MCF2L2: variants seen among roughly 807,000 people sequenced by gnomAD.
MCF2L2 encodes probable guanine nucleotide exchange factor MCF2L2.
In MCF2L2, 102 loss-of-function variants were observed where a neutral mutation model predicts 150.2. That is an observed-to-expected ratio of 0.68 (90% CI 0.58 to 0.80). The LOEUF is 0.80. MCF2L2 is among the 30% of genes least tolerant of loss of function. MCF2L2 has a pLI of 0.00. For missense variants in MCF2L2, 1,256 were observed against 1,372.8 expected (o/e 0.91, Z 1.34); for synonymous variants, 465 against 491.3 (o/e 0.95, Z 0.71).
chr3:183,205,980 A>C, intron 24 of MCF2L2, 26 bp from the exon 25 acceptor site: 1 of 1,598,312 alleles, frequency 6.3e-7, no homozygotes, highest in Admixed American at 1.7e-5. Context: ...AGAAAACACT[A>C]TAAGACTACC....
intron 20 of MCF2L2, among the ~76,000 whole-genome samples, chr3:183,221,140 C>T (rs887782136): frequency 6.6e-5 from 10 of 152,150 alleles, no homozygotes; most frequent in African/African-American, 9.7e-5. Flanking sequence ...TTTGCAGGCA[C>T]GTAATGGCCT....
At chr3:183,186,397 A>G (rs949928116) in intron 27 of MCF2L2, among the ~76,000 whole-genome samples, 1 of 152,130 alleles carries the variant, frequency 6.6e-6, no homozygotes, top group Non-Finnish European at 1.5e-5. Context: ...AGGATTACAG[A>G]CACCCACCAC....
At position 183,331,831 on chromosome 3, in the gene MCF2L2, T is replaced by C. The variant is rs574532252; in HGVS notation, c.486+6969A>G. 2.0e-5 allele frequency among the ~76,000 whole-genome samples: 3 copies of C among 152,290 alleles called. 1 individual carries two copies. Among genetic ancestry groups the C allele is most frequent in the Admixed American group, 2.0e-4 (3 of 15,296 alleles). The stretch of plus-strand genomic sequence containing the variant: ...CTGATGGAGCCACGGCACTCCAGCC[T>C]GGGTGACAGAGCAAGACACAGTTTC... On this transcript the variant is annotated intron_variant, in intron 5 of 29. Coordinates refer to ENST00000328913, the MANE Select transcript of MCF2L2 (RefSeq NM_015078.4).
chr3:183,292,756 T>C (rs1045717286), intron 13 of MCF2L2, among the ~76,000 whole-genome samples: 5 of 152,206 alleles, frequency 3.3e-5, no homozygotes, highest in African/African-American at 9.7e-5. Context: ...TAGTATGTAG[T>C]ATGATTTCCT....
At chr3:183,376,741 A>G (rs1713209812) in intron 3 of MCF2L2, 1 of 152,250 alleles carries the variant, frequency 6.6e-6, no homozygotes, top group African/African-American at 2.4e-5. Context: ...AAAGAAATGA[A>G]GACCCAAAGA....
At chr3:183,264,151 G>C (rs915304322) in intron 15 of MCF2L2, among the ~76,000 whole-genome samples, 2 of 152,112 alleles carry the variant, frequency 1.3e-5, no homozygotes, top group African/African-American at 4.8e-5. Context: ...ACCCCCCTAA[G>C]ACTCCTCTAC....
At chr3:183,313,837 A>AT (rs1729485564) in intron 7 of MCF2L2, among the ~76,000 whole-genome samples, 1 of 152,126 alleles carries the variant, frequency 6.6e-6, no homozygotes, top group Non-Finnish European at 1.5e-5. Context: ...AAACTGAGAG[A>AT]TAGCTCATTG....
At chr3:183,311,483 A>T (rs1236474136) in intron 8 of MCF2L2, among the ~76,000 whole-genome samples, 165 bp downstream of exon 8, 1 of 152,214 alleles carries the variant, frequency 6.6e-6, no homozygotes, top group Non-Finnish European at 1.5e-5. Context: ...CTGTATGTGG[A>T]TGCCAGACGG....
At chr3:183,280,855 A>C (rs1727430118) in intron 14 of MCF2L2, among the ~76,000 whole-genome samples, 1 of 151,276 alleles carries the variant, frequency 6.6e-6, no homozygotes, top group South Asian at 2.1e-4. Context: ...CAAAAAAAAA[A>C]AAAAAAACAA....
At chr3:183,414,959 T>A (rs1293072986) in intron 1 of MCF2L2, among the ~76,000 whole-genome samples, 2 of 152,206 alleles carry the variant, frequency 1.3e-5, no homozygotes, top group Non-Finnish European at 2.9e-5. Flanking sequence ...TGTTTTAGAG[T>A]CTAGAATATG....
intron 3 of MCF2L2, among the ~76,000 whole-genome samples, chr3:183,369,100 A>G (rs1712707335): frequency 6.6e-6 from 1 of 152,230 alleles, no homozygotes; most frequent in Non-Finnish European, 1.5e-5. Context: ...AGCTGAAAAT[A>G]AAATTCTAAG....
At chr3:183,265,518 T>G (rs1314741529) in intron 15 of MCF2L2, 2 of 152,290 alleles carry the variant, frequency 1.3e-5, no homozygotes, top group Non-Finnish European at 2.9e-5. Flanking sequence ...TGAGCGCCAG[T>G]TGTATGTGCG....
chr3:183,416,950 A>C (rs897940159), intron 1 of MCF2L2, among the ~76,000 whole-genome samples: 2 of 151,476 alleles, frequency 1.3e-5, no homozygotes, highest in Non-Finnish European at 2.9e-5. Context: ...TCTACTAAAA[A>C]TTTTTTTAAA....
Position 183,216,002 on chromosome 3 carries a change from C to A in MCF2L2, c.2463G>T (p.Leu821Phe), listed in dbSNP as rs766816419. 1 of 1,613,990 alleles carries A rather than the reference C, an allele frequency of 6.2e-7. No individual in the cohort carries two copies. Among genetic ancestry groups the A allele is most frequent in the Non-Finnish European group, 8.5e-7 (1 of 1,179,918 alleles). ...VIEDLIKSCE[L>F]AVDLAAVTEC... ...CAGTCACTGCTGCTAGGTCCACAGC[C>A]AACTCACAGGACTTGATCAAATCCT... Residue 821 changes from leucine to phenylalanine, a missense_variant, in exon 22 of 30, where the codon TTG becomes TTT. Coordinates refer to ENST00000328913, the MANE Select transcript of MCF2L2 (RefSeq NM_015078.4).
At chr3:183,228,026 T>TACACACACACACACACACAC (rs144915150) in intron 18 of MCF2L2, 8,679 of 139,680 alleles carry the variant, frequency 0.062, 284 homozygotes, top group Non-Finnish European at 0.074. Context: ...TATATATACA[T>TACACACACACACACACACAC]ATACACACAC....
intron 6 of MCF2L2, among the ~76,000 whole-genome samples, chr3:183,321,437 C>CAAA (rs754945400): frequency 0.027 from 2,337 of 87,116 alleles, 88 homozygotes; most frequent in African/African-American, 0.083. Flanking sequence ...GACTCTGTCT[C>CAAA]AAAAAAAAAA....
intron 15 of MCF2L2, chr3:183,231,255 C>T: frequency 1.6e-6 from 1 of 621,638 alleles, no homozygotes; most frequent in East Asian, 3.4e-5. Context: ...ACTCAAAATC[C>T]TTTAGGCAGC....
intron 11 of MCF2L2, chr3:183,298,103 G>A (rs1364367806): frequency 1.3e-5 from 2 of 152,166 alleles, no homozygotes; most frequent in African/African-American, 2.4e-5. Flanking sequence ...GCAAAGCTTT[G>A]TAACTCAGCA....
intron 7 of MCF2L2, 58 bp downstream of exon 7, chr3:183,318,010 G>A: frequency 6.3e-7 from 1 of 1,587,118 alleles, no homozygotes; most frequent in South Asian, 1.1e-5. Flanking sequence ...CTCTCTCCGA[G>A]AGGCAGGCAT....
Sources: allele counts gnomAD v4.1 joint callset (sites outside exome capture counted in the v4.1 genomes callset), GRCh38; gene constraint gnomAD v4.1.1; transcripts MANE v1.5; gene names NCBI Gene and HGNC (gene_info 2026-07-23, HGNC 2026-07-21).